Variants in TLN2 observed in about 807,000 individuals in gnomAD.
TLN2 encodes talin 2, also known as talin-2.
Under a neutral mutation model 294.7 loss-of-function variants are expected in TLN2, and 118 were observed. The ratio of observed to expected loss-of-function variants is 0.40; its 90% confidence interval spans 0.34 to 0.47. The LOEUF (loss-of-function observed/expected upper bound fraction) is 0.47, where lower values mean the gene tolerates loss of function less well. Ranked by LOEUF, TLN2 falls within the 20% of genes least tolerant of loss-of-function variation. The pLI, the probability that TLN2 is intolerant of heterozygous loss-of-function variation, is 0.84. For missense variants in TLN2, 3,083 were observed against 3,282.2 expected (o/e 0.94, Z 1.48); for synonymous variants, 1,431 against 1,304.5 (o/e 1.10, Z -2.09).
intron 7 of TLN2, among the ~76,000 whole-genome samples, chr15:62,654,422 C>G (rs2052957217): frequency 1.3e-5 from 2 of 152,098 alleles, no homozygotes; most frequent in African/African-American, 4.8e-5. Context: ...CCATCAATGA[C>G]CATTGCCTTA....
chr15:62,582,219 C>CACACACACACACATACACAT (rs56281146), intron 1 of TLN2, among the ~76,000 whole-genome samples: 1 of 135,312 alleles, frequency 7.4e-6, no homozygotes, highest in Non-Finnish European at 1.6e-5. Flanking sequence ...CACACACACA[C>CACACACACACACATACACAT]ACACACACAC....
chr15:62,412,847 A>T (rs2033853688), intron 1 of TLN2, among the ~76,000 whole-genome samples: 1 of 152,212 alleles, frequency 6.6e-6, no homozygotes, highest in African/African-American at 2.4e-5. Context: ...TTCTGAAAAG[A>T]CAATTAGAAG....
At chr15:62,532,559 T>C (rs901352238) in intron 1 of TLN2, among the ~76,000 whole-genome samples, 1 of 152,204 alleles carries the variant, frequency 6.6e-6, no homozygotes, top group Non-Finnish European at 1.5e-5. Context: ...GTCCTGGAAA[T>C]GGGACCCAGA....
At chr15:62,718,856 G>C (rs1399929162) in intron 24 of TLN2, among the ~76,000 whole-genome samples, 1 of 152,212 alleles carries the variant, frequency 6.6e-6, no homozygotes, top group Non-Finnish European at 1.5e-5. Context: ...ACTAGGTCTT[G>C]AGTGTCACTA....
chr15:62,839,022 A>G (rs2070222629), intron 58 of TLN2, 41 bp downstream of exon 58: 1 of 1,595,884 alleles, frequency 6.3e-7, no homozygotes, highest in Non-Finnish European at 8.5e-7. Context: ...TTCCCGAGAG[A>G]GGTGTTGGGT....
chr15:62,612,633 C>G (rs551949161), intron 2 of TLN2, among the ~76,000 whole-genome samples: 1 of 152,176 alleles, frequency 6.6e-6, no homozygotes, highest in East Asian at 1.9e-4. Context: ...CCTGCTTGTT[C>G]GTGAGATTTT....
At chr15:62,699,338 A>G (rs1047947803) in intron 16 of TLN2, among the ~76,000 whole-genome samples, 2 of 151,534 alleles carry the variant, frequency 1.3e-5, no homozygotes, top group Non-Finnish European at 2.9e-5. Flanking sequence ...ATCCATCAGC[A>G]TCATCCGAAG....
chr15:62,460,075 A>C (rs1230568903), intron 1 of TLN2, among the ~76,000 whole-genome samples: 1 of 152,132 alleles, frequency 6.6e-6, no homozygotes, highest in Non-Finnish European at 1.5e-5. Context: ...GTGCTGCATC[A>C]GCCTCAGGCA....
At chr15:62,495,340 A>G (rs1329819489) in intron 1 of TLN2, among the ~76,000 whole-genome samples, 1 of 152,156 alleles carries the variant, frequency 6.6e-6, no homozygotes, top group Non-Finnish European at 1.5e-5. Flanking sequence ...AAAGCCTAGG[A>G]TCTTTCTCCC....
intron 15 of TLN2, among the ~76,000 whole-genome samples, chr15:62,698,327 A>G (rs1214746853): frequency 1.3e-5 from 2 of 152,200 alleles, no homozygotes; most frequent in African/African-American, 4.8e-5. Context: ...CAGGAACAAC[A>G]CTTGTCTCTG....
chr15:62,680,020 T>G (rs2056667994), intron 11 of TLN2, among the ~76,000 whole-genome samples: 1 of 152,234 alleles, frequency 6.6e-6, no homozygotes, highest in Non-Finnish European at 1.5e-5. Flanking sequence ...GTTCTTTATT[T>G]TGTTCTTGTT....
chr15:62,658,070 A>C, intron 9 of TLN2, 172 bp downstream of exon 9: 1 of 578,290 alleles, frequency 1.7e-6, no homozygotes, highest in South Asian at 3.0e-5. Context: ...TGGGGAAAGC[A>C]AGAGAAATTC....
intron 1 of TLN2, among the ~76,000 whole-genome samples, chr15:62,490,313 ATTTG>A (rs137868638): frequency 1.7e-3 from 258 of 152,290 alleles, no homozygotes; most frequent in African/African-American, 6.0e-3. Flanking sequence ...TTTAAAAATT[ATTTG>A]TTCTGGCAGT....
intron 1 of TLN2, among the ~76,000 whole-genome samples, chr15:62,398,910 C>T (rs1374590711): frequency 1.3e-5 from 2 of 152,102 alleles, no homozygotes; most frequent in Non-Finnish European, 2.9e-5. Flanking sequence ...TAACCAGAGA[C>T]CTTTGCGGCA....
chr15:62,783,401 T>C (rs1204761626), intron 44 of TLN2, among the ~76,000 whole-genome samples: 2 of 152,168 alleles, frequency 1.3e-5, no homozygotes, highest in Non-Finnish European at 2.9e-5. Context: ...GGAATTCCTC[T>C]GGTGACCCCC....
At chr15:62,702,914 C>G (rs372270777) in intron 19 of TLN2, 50 bp downstream of exon 19, 1 of 1,526,822 alleles carries the variant, frequency 6.5e-7, no homozygotes, top group East Asian at 2.3e-5. Flanking sequence ...AAGTGATGGT[C>G]TAGACCCGAG....
At chr15:62,493,711 A>G (rs1379569570) in intron 1 of TLN2, among the ~76,000 whole-genome samples, 1 of 151,760 alleles carries the variant, frequency 6.6e-6, no homozygotes, top group African/African-American at 2.4e-5. Flanking sequence ...CCCGGGTTCA[A>G]GCGATTCTCC....
intron 2 of TLN2, among the ~76,000 whole-genome samples, chr15:62,594,138 A>G (rs948131918): frequency 6.6e-6 from 1 of 152,252 alleles, no homozygotes; most frequent in Non-Finnish European, 1.5e-5. Context: ...AAACAGACAC[A>G]TAGACCAGTG....
At chr15:62,826,756 C>T (rs987333489) in intron 54 of TLN2, among the ~76,000 whole-genome samples, 1 of 152,196 alleles carries the variant, frequency 6.6e-6, no homozygotes, top group African/African-American at 2.4e-5. Flanking sequence ...TCCACTCCGG[C>T]TTCCAACTGG....
Sources: allele counts gnomAD v4.1 joint callset (sites outside exome capture counted in the v4.1 genomes callset), GRCh38; gene constraint gnomAD v4.1.1; transcripts MANE v1.5; gene names NCBI Gene and HGNC (gene_info 2026-07-23, HGNC 2026-07-21).